MOV10L1: variants seen among roughly 807,000 people sequenced by gnomAD.
MOV10L1 encodes RNA helicase Mov10l1.
MOV10L1 carries 110 observed loss-of-function variants against 143.8 expected under a neutral mutation model. That is an observed-to-expected ratio of 0.76 (90% CI 0.66 to 0.90). MOV10L1 has a LOEUF of 0.90. Ranked by LOEUF, MOV10L1 falls within the 40% of genes least tolerant of loss-of-function variation. The pLI is 0.00. For synonymous variants in MOV10L1, 593 were observed against 581.1 expected (o/e 1.02, Z -0.29); for missense variants, 1,406 against 1,526.8 (o/e 0.92, Z 1.32).
Position 50,114,475 on chromosome 22 carries a change from C to T in MOV10L1, c.979C>T (p.Gln327Ter). Residue 327 changes from glutamine (Q) to a stop codon, truncating the protein, a stop_gained, in exon 7 of 27, where the codon CAG (glutamine) becomes TAG (stop). Transcript: ENST00000262794. LOFTEE classifies it high-confidence loss of function. ...QFRFQMLDKDQMCPVVSFVSV... is the reference protein window; with the variant it reads ...QFRFQMLDKD ...CAGATTCCAAATGCTGGATAAAGAC[C>T]AGATGTGCCCCGTGGTATCTTTTGT... 6.2e-7 allele frequency: 1 copy of T among 1,614,132 alleles called. No individual in the cohort carries two copies. The highest frequency in any genetic ancestry group is 8.5e-7 in the Non-Finnish European group (1 of 1,180,020).
At chr22:50,143,404 A>G (rs2063046523) in intron 17 of MOV10L1, 183 bp downstream of exon 17, 4 of 697,274 alleles carry the variant, frequency 5.7e-6, no homozygotes, top group South Asian at 3.3e-5. Flanking sequence ...AGCTTATTTC[A>G]TAGGTTTAGA....
intron 5 of MOV10L1, among the ~76,000 whole-genome samples, chr22:50,109,116 C>A (rs1007244552): frequency 6.6e-6 from 1 of 152,130 alleles, no homozygotes; most frequent in Non-Finnish European, 1.5e-5. Context: ...TGCACTCAGG[C>A]CTGGGCGACA....
intron 15 of MOV10L1, among the ~76,000 whole-genome samples, chr22:50,140,886 C>T (rs1394398891): frequency 6.6e-6 from 1 of 152,006 alleles, no homozygotes; most frequent in African/African-American, 2.4e-5. Flanking sequence ...CTACCCCTGG[C>T]CCCAGAACTT....
At chr22:50,128,381 C>A in intron 12 of MOV10L1, 35 bp from the exon 13 acceptor site, 3 of 1,159,768 alleles carry the variant, frequency 2.6e-6, no homozygotes, top group Non-Finnish European at 2.5e-6. Flanking sequence ...CACATTATTT[C>A]AAGAAATCAG....
chr22:50,090,369 C>T (rs575940962), intron 1 of MOV10L1, 184 bp downstream of exon 1: 178 of 1,532,910 alleles, frequency 1.2e-4, no homozygotes, highest in Non-Finnish European at 1.5e-4. Context: ...CACAGCATCC[C>T]GCCGCTCTGG....
chr22:50,127,956 G>A (rs2062559177), intron 12 of MOV10L1, among the ~76,000 whole-genome samples: 1 of 152,020 alleles, frequency 6.6e-6, no homozygotes, highest in African/African-American at 2.4e-5. Context: ...TATTTTTAGT[G>A]GAGATGGTTT....
chr22:50,099,543 T>A lies in MOV10L1; in HGVS notation c.383T>A (p.Val128Glu). 1 of 1,614,156 alleles carries A rather than the reference T, an allele frequency of 6.2e-7. No individual in the cohort carries two copies. The highest frequency in any genetic ancestry group is 8.5e-7 in the Non-Finnish European group (1 of 1,180,028). ...RVLIGCVTSL[V>E]EGAGCISQTT... ...TTGATTGGCTGTGTGACTTCCCTGGTGGAGGGCGCAGGCTGTATCAGTCAG... is the reference window on the plus strand; with the variant it reads ...TTGATTGGCTGTGTGACTTCCCTGGAGGAGGGCGCAGGCTGTATCAGTCAG... The change falls in exon 3 of 27, where the codon GTG (valine) becomes GAG (glutamate). Residue 128 changes from valine to glutamate, a missense_variant. Val to Glu is a moderately radical substitution (Grantham distance 121). Around this residue, in one of 3 missense-constraint regions of MOV10L1, gnomAD observed 7 missense variants for 21.4 expected, o/e 0.33. Transcript: ENST00000262794.
rs571856728 is a variant in MOV10L1, at chr22:50,123,581, T to G, written c.1570-1811T>G. Among the ~76,000 whole-genome samples the G allele has an allele frequency of 7.9e-5, 12 of 152,358 alleles. No homozygotes were observed. The East Asian group carries it at 2.1e-3, about 27-fold the overall frequency. ...TGTGTGCTAGTATCGTGTTGAGGAT[T>G]TTTTCATCAGTGTTCATATTGGTCT... On this transcript the variant is annotated intron_variant, in intron 10 of 26. Coordinates refer to ENST00000262794, the MANE Select transcript of MOV10L1 (RefSeq NM_018995.3).
At chr22:50,090,935 C>G (rs539126092) in intron 1 of MOV10L1, 1 of 221,004 alleles carries the variant, frequency 4.5e-6, no homozygotes, top group South Asian at 7.6e-5. Flanking sequence ...CTTGGCCTCC[C>G]AAAGTGCTGG....
chr22:50,116,508 A>C (rs1231404731), intron 8 of MOV10L1, among the ~76,000 whole-genome samples: 1 of 151,840 alleles, frequency 6.6e-6, no homozygotes, highest in Admixed American at 6.6e-5. Context: ...AGCCCCAGTT[A>C]GAGCCACAGC....
At chr22:50,147,082 G>A (rs2063171912) in intron 19 of MOV10L1, 2 of 1,560,730 alleles carry the variant, frequency 1.3e-6, no homozygotes, top group African/African-American at 1.4e-5. Flanking sequence ...TCCTCACTGG[G>A]GTGCAGAGGG....
intron 15 of MOV10L1, among the ~76,000 whole-genome samples, chr22:50,136,213 C>T (rs1234508561): frequency 6.6e-6 from 1 of 151,904 alleles, no homozygotes; most frequent in Non-Finnish European, 1.5e-5. Flanking sequence ...TTTTCTTCTC[C>T]GTCATCACCT....
intron 4 of MOV10L1, 76 bp from the exon 5 acceptor site, chr22:50,108,581 C>T: frequency 6.6e-7 from 1 of 1,523,450 alleles, no homozygotes; most frequent in Non-Finnish European, 9.0e-7. Flanking sequence ...TTTGGGCTGA[C>T]TTGGGCGTGT....
In MOV10L1 at chr22:50,152,132, C is replaced by T. The variant is rs1216502118; in HGVS notation, c.2893-913C>T. ...GCGTTCTCGTGCCAGTGTCATCTGG[C>T]GAGTAACAGACAGCACTGCAGGAAC... On this transcript the variant is annotated intron_variant, in intron 21 of 26. Transcript: ENST00000262794. This position sits in a 1 kb window ranked among gnomAD's most constrained non-coding sequence, Gnocchi z 4.4. 6.7e-6 allele frequency among the ~76,000 whole-genome samples: 1 copy of T among 148,754 alleles called. No homozygotes were observed. The highest frequency in any genetic ancestry group is 1.5e-5 in the Non-Finnish European group (1 of 66,520).
chr22:50,123,505 C>T (rs1045264843), intron 10 of MOV10L1, among the ~76,000 whole-genome samples: 3 of 151,962 alleles, frequency 2.0e-5, no homozygotes, highest in South Asian at 2.1e-4. Flanking sequence ...ACTGGGACTA[C>T]AGGAATGAGC....
chr22:50,095,190 C>T (rs1393452165), intron 2 of MOV10L1: 1 of 152,220 alleles, frequency 6.6e-6, no homozygotes, highest in African/African-American at 2.4e-5. Flanking sequence ...AAGAGCCTCC[C>T]TCCACGTTCC....
At chr22:50,104,917 A>G (rs1402867810) in intron 3 of MOV10L1, among the ~76,000 whole-genome samples, 1 of 147,138 alleles carries the variant, frequency 6.8e-6, no homozygotes, top group East Asian at 2.0e-4. Flanking sequence ...TTAAAGACAG[A>G]GTCTCCCTCT....
intron 3 of MOV10L1, among the ~76,000 whole-genome samples, chr22:50,106,348 T>TTTTA (rs2061866224): frequency 3.4e-5 from 5 of 149,028 alleles, no homozygotes; most frequent in South Asian, 2.1e-4. Context: ...TTTTTTTTTT[T>TTTTA]AGAGATGGGA....
chr22:50,141,445 C>T (rs2062983953), intron 15 of MOV10L1, among the ~76,000 whole-genome samples: 1 of 151,764 alleles, frequency 6.6e-6, no homozygotes, highest in Admixed American at 6.6e-5. Flanking sequence ...CCTCCCACCT[C>T]AGCCTGCCAA....
Sources: allele counts gnomAD v4.1 joint callset (sites outside exome capture counted in the v4.1 genomes callset), GRCh38; gene constraint gnomAD v4.1.1; regional missense constraint gnomAD v4.1.1; non-coding constraint Gnocchi (gnomAD v3.1); transcripts MANE v1.5; gene names NCBI Gene and HGNC (gene_info 2026-07-23, HGNC 2026-07-21).